FSTL4: variants seen among roughly 807,000 people sequenced by gnomAD.
FSTL4 encodes follistatin like 4.
FSTL4 carries 28 observed loss-of-function variants against 78.2 expected under a neutral mutation model. The observed-to-expected ratio is 0.36, with a 90% confidence interval of 0.27 to 0.49. The LOEUF (loss-of-function observed/expected upper bound fraction) is 0.49. Among genes scored for constraint, FSTL4 ranks in the 20% least tolerant of loss-of-function variants. The probability of loss-of-function intolerance (pLI) is 0.98; values close to 1 mark genes in which losing one functional copy is unlikely to be tolerated. For missense variants in FSTL4, 922 were observed against 1,084.9 expected (o/e 0.85, Z 2.11); for synonymous variants, 422 against 440.5 (o/e 0.96, Z 0.53).
chr5:133,817,014 G>T, the FSTL4 span, among the ~76,000 whole-genome samples: 1 of 152,174 alleles, frequency 6.6e-6, no homozygotes, highest in Non-Finnish European at 1.5e-5. Flanking sequence ...CCAGGCCCAG[G>T]CCCACTGCCT....
intron 8 of FSTL4, among the ~76,000 whole-genome samples, chr5:133,228,051 A>G (rs973433475): frequency 1.3e-5 from 2 of 151,910 alleles, no homozygotes; most frequent in African/African-American, 4.8e-5. Flanking sequence ...ACATGGCAAA[A>G]CCCCACCTCT....
chr5:133,263,305 A>T (rs1752573256), intron 6 of FSTL4, among the ~76,000 whole-genome samples: 1 of 152,138 alleles, frequency 6.6e-6, no homozygotes, highest in Non-Finnish European at 1.5e-5. Context: ...AAATTTATTG[A>T]TGCATAAGTA....
the FSTL4 span, among the ~76,000 whole-genome samples, chr5:133,620,054 CT>C: frequency 6.6e-6 from 1 of 151,472 alleles, no homozygotes; most frequent in Admixed American, 6.6e-5. Context: ...GCATCATTGT[CT>C]GACGCATATG....
At position 133,290,943 on chromosome 5, in the gene FSTL4, C is replaced by A. The variant is rs550413050; in HGVS notation, c.727+21711G>T. On this transcript the variant is annotated intron_variant, in intron 6 of 15. Transcript: ENST00000265342. ...GAGGAGATCGAGCCCAGTGAGTCCG[C>A]AGTGCTGGGCTTCCCACTCTTGTGC... is the stretch of plus-strand genomic sequence containing the variant. Among the ~76,000 whole-genome samples, 156 of 152,362 alleles carry A rather than the reference C, an allele frequency of 1.0e-3. 3 individuals are homozygous for A. Among genetic ancestry groups the A allele is most frequent in the African/African-American group, 3.5e-3 (145 of 41,584 alleles).
intron 3 of FSTL4, among the ~76,000 whole-genome samples, chr5:133,498,953 A>G (rs1437036467): frequency 6.6e-6 from 1 of 151,790 alleles, no homozygotes; most frequent in Non-Finnish European, 1.5e-5. Context: ...TTGGGAATCA[A>G]TGCCTGGAAT....
intron 14 of FSTL4, among the ~76,000 whole-genome samples, chr5:133,203,784 C>T (rs1378053266): frequency 1.3e-5 from 2 of 152,176 alleles, no homozygotes; most frequent in Non-Finnish European, 2.9e-5. Flanking sequence ...AAATTACAGG[C>T]TGTCATTGGT....
At chr5:133,748,487 C>T in the FSTL4 span, among the ~76,000 whole-genome samples, 1 of 152,266 alleles carries the variant, frequency 6.6e-6, no homozygotes, top group South Asian at 2.1e-4. Context: ...AGGAGAATTG[C>T]ATGAACCTGG....
chr5:133,360,481 T>C (rs13161088), intron 4 of FSTL4, among the ~76,000 whole-genome samples: 1 of 117,272 alleles, frequency 8.5e-6, no homozygotes, highest in African/African-American at 3.0e-5. Context: ...TAATTTTTTT[T>C]TTTTTTTTTT....
intron 3 of FSTL4, among the ~76,000 whole-genome samples, chr5:133,406,912 G>A (rs1756378293): frequency 6.6e-6 from 1 of 152,256 alleles, no homozygotes; most frequent in Non-Finnish European, 1.5e-5. Context: ...CAGCAAGTAG[G>A]TGGTAGAGCC....
chr5:133,342,846 T>A (rs889135098), intron 4 of FSTL4, among the ~76,000 whole-genome samples: 1 of 152,192 alleles, frequency 6.6e-6, no homozygotes, highest in African/African-American at 2.4e-5. Context: ...GCTGTGTGTG[T>A]TTGCACATGG....
chr5:133,634,392 C>T, the FSTL4 span, among the ~76,000 whole-genome samples: 64,183 of 112,778 alleles, frequency 0.57, 14,735 homozygotes, highest in African/African-American at 0.67. Context: ...CTCTCTCTCT[C>T]TTTTTTTTTT....
intron 4 of FSTL4, among the ~76,000 whole-genome samples, chr5:133,343,505 T>C (rs144612999): frequency 6.6e-6 from 1 of 152,328 alleles, no homozygotes; most frequent in East Asian, 1.9e-4. Flanking sequence ...TTCTGAACCC[T>C]GGGGCTTGAG....
At chr5:133,619,596 A>G in the FSTL4 span, among the ~76,000 whole-genome samples, 1 of 152,216 alleles carries the variant, frequency 6.6e-6, no homozygotes. Context: ...CAGCAGTTGA[A>G]GTCTCCTGAC....
chr5:133,299,930 G>C (rs1417024910), intron 6 of FSTL4, among the ~76,000 whole-genome samples: 1 of 152,174 alleles, frequency 6.6e-6, no homozygotes, highest in Non-Finnish European at 1.5e-5. Flanking sequence ...TTGCCTCCAG[G>C]GCTGCCTTTA....
At chr5:133,518,979 A>C (rs1758919249) in intron 3 of FSTL4, among the ~76,000 whole-genome samples, 1 of 152,210 alleles carries the variant, frequency 6.6e-6, no homozygotes, top group African/African-American at 2.4e-5. Flanking sequence ...GTCTTTCATC[A>C]ATCCAGTGAA....
chr5:133,334,623 T>C (rs545538501), intron 4 of FSTL4, among the ~76,000 whole-genome samples: 32 of 152,348 alleles, frequency 2.1e-4, no homozygotes, highest in African/African-American at 7.5e-4. Context: ...TTCAATGATA[T>C]GTTTATTTAA....
At chr5:133,445,776 C>T (rs944815739) in intron 3 of FSTL4, among the ~76,000 whole-genome samples, 1 of 151,926 alleles carries the variant, frequency 6.6e-6, no homozygotes. Context: ...CAATATTTAA[C>T]AGAGAGAAAT....
intron 13 of FSTL4, among the ~76,000 whole-genome samples, chr5:133,211,960 G>C (rs1750742950): frequency 6.6e-6 from 1 of 151,746 alleles, no homozygotes; most frequent in East Asian, 1.9e-4. Flanking sequence ...TTACTCTCTT[G>C]CTTTAATTAC....
rs184419749 is a variant in FSTL4, at chr5:133,311,441, C to A, written c.727+1213G>T. Among the ~76,000 whole-genome samples the A allele has an allele frequency of 2.6e-5, 4 of 152,252 alleles. No individual in the cohort carries two copies. In the East Asian group the frequency reaches 7.7e-4, roughly 29 times the overall value. ...CTAAGGATGATATGAACTGGAAAGG[C>A]CCCTGCAACCACGTCAAGCTCATGG... On this transcript the variant is annotated intron_variant, in intron 6 of 15. Coordinates refer to ENST00000265342, the MANE Select transcript of FSTL4 (RefSeq NM_015082.2).
Sources: gnomAD v4.1 joint callset for allele counts (sites outside exome capture counted in the v4.1 genomes callset) on GRCh38, gnomAD v4.1.1 for gene constraint, MANE v1.5 for transcripts, NCBI Gene and HGNC (gene_info 2026-07-23, HGNC 2026-07-21) for gene names.